Variants in NOX4 observed in about 807,000 individuals in gnomAD.
The protein encoded by NOX4 is NADPH oxidase 4.
A neutral mutation model predicts 87.6 loss-of-function variants in NOX4; 69 were observed. The observed-to-expected ratio is 0.79, with a 90% CI of 0.65 to 0.96. The LOEUF is 0.96. NOX4 is among the 40% of genes least tolerant of loss of function. NOX4 has a pLI of 0.00. For missense variants in NOX4, 680 were observed against 681.5 expected, an observed-to-expected ratio of 1.00 and a Z score of 0.02; for synonymous variants, 275 against 238.2, an observed-to-expected ratio of 1.15 and a Z score of -1.42.
the NOX4 span, among the ~76,000 whole-genome samples, chr11:89,538,263 A>C: frequency 6.6e-6 from 1 of 152,338 alleles, no homozygotes; most frequent in East Asian, 1.9e-4. Context: ...AATATTTTGT[A>C]TAGAATTTAA....
rs1238336400 is a variant in NOX4, at chr11:89,342,134, C to A, written c.1277G>T (p.Ser426Ile). The A allele has an allele frequency of 4.3e-6, 7 of 1,612,932 alleles. No homozygotes were observed. In the East Asian group the frequency reaches 1.6e-4, roughly 36 times the overall value. The change falls in exon 14 of 18, where the codon AGC (serine) becomes ATC (isoleucine). Residue 426 changes from serine to isoleucine, a missense_variant. Physicochemically the swap from Ser to Ile is moderately radical, Grantham distance 142. Transcript: ENST00000263317. ...PFEESLNYEV[S>I]LCVAGGIGVT... Reference sequence around the variant, plus strand: ...TCCAATGCCTCCAGCCACGCAGAGGCTGACCTCATAGTTCAGTGATTCCTC... The same window carrying A: ...TCCAATGCCTCCAGCCACGCAGAGGATGACCTCATAGTTCAGTGATTCCTC...
chr11:89,505,348 G>T, the NOX4 span, among the ~76,000 whole-genome samples: 1 of 152,034 alleles, frequency 6.6e-6, no homozygotes, highest in South Asian at 2.1e-4. Context: ...GTTGTTAAAT[G>T]AGTAAATAAA....
At chr11:89,493,749 T>TTATTAG (rs1284652245), upstream of NOX4, among the ~76,000 whole-genome samples, 1 of 148,236 alleles carries the variant, frequency 6.7e-6, no homozygotes, top group African/African-American at 2.5e-5. Context: ...ATTATTATTA[T>TTATTAG]TATTATTATT....
intron 12 of NOX4, among the ~76,000 whole-genome samples, chr11:89,358,902 A>G (rs1180395631): frequency 6.6e-6 from 1 of 152,012 alleles, no homozygotes; most frequent in Non-Finnish European, 1.5e-5. Context: ...CTTTCACAGG[A>G]CTTCTTAGAA....
At chr11:89,419,357 A>C (rs768363397) in intron 8 of NOX4, among the ~76,000 whole-genome samples, 1 of 152,076 alleles carries the variant, frequency 6.6e-6, no homozygotes, top group Non-Finnish European at 1.5e-5. Flanking sequence ...AAGTTAAAAT[A>C]TGTCTGTTTC....
chr11:89,359,983 C>T (rs1201433695), intron 12 of NOX4, among the ~76,000 whole-genome samples: 5 of 151,816 alleles, frequency 3.3e-5, no homozygotes, highest in Admixed American at 2.6e-4. Context: ...GGCATCAAAA[C>T]GAAATCCTTA....
upstream of NOX4, chr11:89,492,069 T>C (rs2135503370): frequency 4.0e-5 from 1 of 24,888 alleles, no homozygotes; most frequent in Middle Eastern, 0.022. Flanking sequence ...ATGTAATTCT[T>C]AGGGGCTCTA....
intron 8 of NOX4, among the ~76,000 whole-genome samples, chr11:89,405,677 T>C (rs945129485): frequency 6.8e-6 from 1 of 147,284 alleles, no homozygotes; most frequent in African/African-American, 2.5e-5. Flanking sequence ...TGTAATTAGG[T>C]GGTGAAGGTA....
chr11:89,393,654 G>C (rs956395926), intron 11 of NOX4, among the ~76,000 whole-genome samples: 1 of 152,122 alleles, frequency 6.6e-6, no homozygotes, highest in African/African-American at 2.4e-5. Context: ...GTATTACCAA[G>C]TATTGACCAC....
chr11:89,400,734 G>A (rs1941792851), intron 9 of NOX4, among the ~76,000 whole-genome samples: 1 of 151,484 alleles, frequency 6.6e-6, no homozygotes, highest in African/African-American at 2.4e-5. Context: ...AACAATCTCC[G>A]ATAAATCTGG....
At chr11:89,354,046 C>T (rs965123356) in intron 13 of NOX4, among the ~76,000 whole-genome samples, 4 of 152,216 alleles carry the variant, frequency 2.6e-5, no homozygotes, top group Admixed American at 2.0e-4. Flanking sequence ...ATTATCAAAG[C>T]TAAGTATTAG....
chr11:89,334,667 A>G (rs911562232), intron 17 of NOX4, among the ~76,000 whole-genome samples: 3 of 151,768 alleles, frequency 2.0e-5, no homozygotes, highest in African/African-American at 7.2e-5. Context: ...ATGTTTATAA[A>G]AATATATTTT....
At chr11:89,492,618 C>A (rs139191235), upstream of NOX4, among the ~76,000 whole-genome samples, 1 of 152,182 alleles carries the variant, frequency 6.6e-6, no homozygotes, top group Non-Finnish European at 1.5e-5. Flanking sequence ...CTGTTTCATG[C>A]ATGACCAAAT....
intron 12 of NOX4, among the ~76,000 whole-genome samples, chr11:89,360,720 T>C (rs1330448205): frequency 3.9e-5 from 6 of 151,948 alleles, no homozygotes; most frequent in Non-Finnish European, 7.4e-5. Flanking sequence ...AGGACTAGTT[T>C]CCAGAATCTA....
the NOX4 span, among the ~76,000 whole-genome samples, chr11:89,587,704 A>C: frequency 6.6e-6 from 1 of 152,196 alleles, no homozygotes; most frequent in South Asian, 2.1e-4. Context: ...ATAGTTAAAA[A>C]TGGTTTATGT....
At chr11:89,499,398 T>C (rs1317549968), upstream of NOX4, among the ~76,000 whole-genome samples, 1 of 152,180 alleles carries the variant, frequency 6.6e-6, no homozygotes, top group African/African-American at 2.4e-5. Context: ...ATTTTCAAAA[T>C]GAAAACTCAG....
chr11:89,457,301 G>A (rs1195407840), intron 2 of NOX4, among the ~76,000 whole-genome samples: 1 of 152,172 alleles, frequency 6.6e-6, no homozygotes, highest in Non-Finnish European at 1.5e-5. Flanking sequence ...TCCACCAACA[G>A]CACAAATGTG....
At chr11:89,467,064 A>T (rs2135431449) in intron 2 of NOX4, among the ~76,000 whole-genome samples, 1 of 152,186 alleles carries the variant, frequency 6.6e-6, no homozygotes, top group Non-Finnish European at 1.5e-5. Flanking sequence ...GAATGTCTTT[A>T]TCGGCCGGGC....
intron 17 of NOX4, among the ~76,000 whole-genome samples, chr11:89,328,974 C>G (rs1945335154): frequency 6.6e-6 from 1 of 151,918 alleles, no homozygotes; most frequent in Admixed American, 6.6e-5. Flanking sequence ...AAACTTCCAG[C>G]CCCCAGAACT....
Sources: gnomAD v4.1 joint callset for allele counts (sites outside exome capture counted in the v4.1 genomes callset) on GRCh38, gnomAD v4.1.1 for gene constraint, MANE v1.5 for transcripts, NCBI Gene and HGNC (gene_info 2026-07-23, HGNC 2026-07-21) for gene names.